The following COL28A1 variants were observed in gnomAD, a reference collection of about 807,000 sequenced individuals.
COL28A1 encodes the protein collagen alpha-1(XXVIII) chain.
Under a neutral mutation model 150.2 loss-of-function variants are expected in COL28A1, and 161 were observed. The ratio of observed to expected loss-of-function variants is 1.07; its 90% CI spans 0.94 to 1.22. The LOEUF is 1.22. Among genes scored for constraint, COL28A1 ranks in the 50% most tolerant of loss-of-function variants. COL28A1 has a pLI of 0.00. For synonymous variants in COL28A1, 552 were observed against 469.7 expected (o/e 1.18, Z -2.26); for missense variants, 1,617 against 1,388.3 (o/e 1.16, Z -2.62).
chr7:7,372,336 T>A (rs974673850), intron 32 of COL28A1, among the ~76,000 whole-genome samples: 8 of 151,290 alleles, frequency 5.3e-5, no homozygotes, highest in Non-Finnish European at 1.0e-4. Flanking sequence ...GAAGCAGAGG[T>A]TGCAGTGAGC....
At chr7:7,400,975 GGTGTGTGTGTGTGTGTGTGTGTGTGTGT>G (rs60064708) in intron 27 of COL28A1, among the ~76,000 whole-genome samples, 2 of 119,074 alleles carry the variant, frequency 1.7e-5, no homozygotes, top group Admixed American at 1.7e-4. Context: ...TGGGTATTTG[GGTGTGTGTGTGTGTGTGTGTGTGTGTGT>G]GTGTGTGTGT....
chr7:7,517,850 A>T lies in COL28A1; in HGVS notation c.814-13T>A. The stretch of plus-strand genomic sequence containing the variant: ...TTTGAGCGTTGCCCTGTGACAAACA[A>T]AAAACAGTAAAAATTCCACAGCCCT... On this transcript the variant is annotated splice_polypyrimidine_tract_variant and intron_variant, in intron 6 of 34. Coordinates refer to ENST00000399429, the MANE Select transcript of COL28A1 (RefSeq NM_001037763.3). 6.2e-7 allele frequency: 1 copy of T among 1,613,704 alleles called. No individual in the cohort carries two copies. Among genetic ancestry groups the T allele is most frequent in the Non-Finnish European group, 8.5e-7 (1 of 1,179,670 alleles).
At chr7:7,402,156 T>A (rs1783242209) in intron 27 of COL28A1, among the ~76,000 whole-genome samples, 1 of 152,244 alleles carries the variant, frequency 6.6e-6, no homozygotes, top group African/African-American at 2.4e-5. Context: ...TACAGCTGGC[T>A]ACTCTGGGAA....
At chr7:7,432,066 A>T in intron 25 of COL28A1, among the ~76,000 whole-genome samples, 1 of 152,216 alleles carries the variant, frequency 6.6e-6, no homozygotes, top group East Asian at 1.9e-4. Flanking sequence ...GATACATGGT[A>T]GGAAATTAGA....
At chr7:7,387,823 T>C (rs191105873) in intron 27 of COL28A1, among the ~76,000 whole-genome samples, 207 of 152,300 alleles carry the variant, frequency 1.4e-3, no homozygotes, top group African/African-American at 4.8e-3. Flanking sequence ...GGCTAAAGCA[T>C]ATGAGTATAC....
At chr7:7,482,932 G>A (rs1779425209) in intron 13 of COL28A1, among the ~76,000 whole-genome samples, 1 of 152,192 alleles carries the variant, frequency 6.6e-6, no homozygotes, top group South Asian at 2.1e-4. Flanking sequence ...TTTGTGTGGT[G>A]GGAAGAAGGC....
At chr7:7,537,533 G>T (rs1481433024), upstream of COL28A1, among the ~76,000 whole-genome samples, 1 of 152,306 alleles carries the variant, frequency 6.6e-6, no homozygotes, top group South Asian at 2.1e-4. Context: ...GAGAGGTTCA[G>T]TAACTTGTCC....
intron 15 of COL28A1, among the ~76,000 whole-genome samples, chr7:7,461,779 T>C (rs890529982): frequency 6.6e-5 from 10 of 152,036 alleles, no homozygotes; most frequent in Non-Finnish European, 1.5e-4. Flanking sequence ...CTAGCCTTGC[T>C]CCCGCCTAAT....
At chr7:7,344,005 T>G in the COL28A1 span, among the ~76,000 whole-genome samples, 2 of 149,722 alleles carry the variant, frequency 1.3e-5, no homozygotes, top group African/African-American at 5.0e-5. Context: ...GACCCTATCT[T>G]AAAATAAAAA....
At chr7:7,501,031 C>T (rs938059862) in intron 11 of COL28A1, among the ~76,000 whole-genome samples, 1 of 152,172 alleles carries the variant, frequency 6.6e-6, no homozygotes. Flanking sequence ...TTTACCCTGA[C>T]CATATCCATT....
intron 26 of COL28A1, among the ~76,000 whole-genome samples, chr7:7,418,415 A>T (rs891336366): frequency 5.3e-5 from 8 of 152,192 alleles, no homozygotes; most frequent in African/African-American, 1.9e-4. Context: ...AGCTATAAGC[A>T]AGTGTAGCAT....
At chr7:7,369,978 G>C (rs1427251161) in intron 33 of COL28A1, among the ~76,000 whole-genome samples, 1 of 152,072 alleles carries the variant, frequency 6.6e-6, no homozygotes, top group Non-Finnish European at 1.5e-5. Flanking sequence ...GTTGCAACTT[G>C]GTGGAGAAGA....
At chr7:7,459,232 T>C (rs1787407055) in intron 15 of COL28A1, among the ~76,000 whole-genome samples, 1 of 152,220 alleles carries the variant, frequency 6.6e-6, no homozygotes, top group Non-Finnish European at 1.5e-5. Context: ...AAAACAATGG[T>C]TCTGTTGTAT....
At chr7:7,447,956 A>AC (rs1205885789) in intron 18 of COL28A1, among the ~76,000 whole-genome samples, 4 of 152,126 alleles carry the variant, frequency 2.6e-5, no homozygotes, top group Admixed American at 6.6e-5. Context: ...AATCCCAGCT[A>AC]CATGGGAAGC....
intron 33 of COL28A1, among the ~76,000 whole-genome samples, chr7:7,363,624 T>C (rs1780782373): frequency 6.6e-6 from 1 of 152,184 alleles, no homozygotes; most frequent in African/African-American, 2.4e-5. Context: ...ATAGTCATTG[T>C]TGGCATTCAG....
intron 18 of COL28A1, among the ~76,000 whole-genome samples, chr7:7,447,283 G>A (rs1343147394): frequency 6.6e-6 from 1 of 151,964 alleles, no homozygotes; most frequent in Non-Finnish European, 1.5e-5. Flanking sequence ...TCACAATGTG[G>A]GGCATTCAAT....
intron 26 of COL28A1, among the ~76,000 whole-genome samples, chr7:7,418,540 T>C (rs553221885): frequency 2.6e-5 from 4 of 152,182 alleles, no homozygotes; most frequent in Non-Finnish European, 4.4e-5. Context: ...CACACTAATA[T>C]AGTAGACTAA....
At chr7:7,532,968 T>C in intron 1 of COL28A1, 56 bp from the exon 2 acceptor site, 1 of 1,389,908 alleles carries the variant, frequency 7.2e-7, no homozygotes, top group South Asian at 2.0e-5. Context: ...TTTGTTATTT[T>C]TAAATTTCAA....
At chr7:7,383,682 G>GTGTATATATATATATATATA (rs1554262302) in intron 27 of COL28A1, among the ~76,000 whole-genome samples, 1 of 124,094 alleles carries the variant, frequency 8.1e-6, no homozygotes, top group Non-Finnish European at 1.6e-5. Context: ...GTGTGTGTGT[G>GTGTATATATATATATATATA]TATATATATA....
Sources: allele counts gnomAD v4.1 joint callset (sites outside exome capture counted in the v4.1 genomes callset), GRCh38; gene constraint gnomAD v4.1.1; transcripts MANE v1.5; gene names NCBI Gene and HGNC (gene_info 2026-07-23, HGNC 2026-07-21).